Variants in AGMO observed in about 807,000 individuals in gnomAD.
The protein encoded by AGMO is glyceryl-ether monooxygenase.
Under a neutral mutation model 60.2 loss-of-function variants are expected in AGMO, and 75 were observed. That is an observed-to-expected ratio of 1.25 (90% confidence interval 1.03 to 1.51). The LOEUF is 1.51. Among genes scored for constraint, AGMO ranks in the 40% most tolerant of loss-of-function variants. The pLI, the probability that AGMO is intolerant of heterozygous loss-of-function variation, is 0.00. For synonymous variants in AGMO, 261 were observed against 177.1 expected (o/e 1.47, Z -3.76); for missense variants, 763 against 525.5 (o/e 1.45, Z -4.42).
chr7:15,382,932 AGATGTAACATT>A (rs569475626), intron 10 of AGMO, among the ~76,000 whole-genome samples: 80 of 152,080 alleles, frequency 5.3e-4, no homozygotes, highest in Non-Finnish European at 1.0e-3. Flanking sequence ...ATTGTTATAT[AGATGTAACATT>A]TGTTATTTTT....
intron 10 of AGMO, among the ~76,000 whole-genome samples, chr7:15,377,153 C>T (rs762520792): frequency 2.0e-5 from 3 of 151,998 alleles, no homozygotes; most frequent in Non-Finnish European, 2.9e-5. Context: ...TGCTTTTAGA[C>T]ATCCCTGAGA....
chr7:15,278,331 G>A (rs145602550), intron 12 of AGMO, among the ~76,000 whole-genome samples: 197 of 152,242 alleles, frequency 1.3e-3, no homozygotes, highest in African/African-American at 4.5e-3. Flanking sequence ...TTAGGACCCG[G>A]GGAGAGTGGT....
downstream of AGMO, among the ~76,000 whole-genome samples, chr7:15,198,221 G>GAGAGAGAGAGAC (rs1781173240): frequency 8.7e-6 from 1 of 114,398 alleles, no homozygotes; most frequent in African/African-American, 4.8e-5. Flanking sequence ...GAGAGAGAGA[G>GAGAGAGAGAGAC]AGAGAGAGAG....
the AGMO span, among the ~76,000 whole-genome samples, chr7:15,156,676 AT>A: frequency 6.6e-6 from 1 of 152,294 alleles, no homozygotes; most frequent in South Asian, 2.1e-4. Flanking sequence ...ACAAGTCTTC[AT>A]GCTCGGCAAC....
chr7:15,519,187 T>G (rs1000155566), intron 3 of AGMO, among the ~76,000 whole-genome samples: 3 of 146,422 alleles, frequency 2.0e-5, no homozygotes, highest in African/African-American at 7.6e-5. Flanking sequence ...CAAACCTAGG[T>G]TTGATTGTTG....
At chr7:15,527,060 T>C (rs779959925) in intron 3 of AGMO, among the ~76,000 whole-genome samples, 3 of 152,108 alleles carry the variant, frequency 2.0e-5, no homozygotes, top group Non-Finnish European at 4.4e-5. Flanking sequence ...CACAGCAATA[T>C]AGAAATTAAG....
intron 5 of AGMO, among the ~76,000 whole-genome samples, chr7:15,409,361 C>A (rs998426631): frequency 3.3e-5 from 5 of 151,772 alleles, no homozygotes; most frequent in African/African-American, 1.2e-4. Context: ...CAAGTGAAAC[C>A]CAGATAAATG....
chr7:15,193,299 T>G, the AGMO span, among the ~76,000 whole-genome samples: 1 of 152,198 alleles, frequency 6.6e-6, no homozygotes. Flanking sequence ...ATGTCATAGC[T>G]CTTGTATTTT....
At chr7:15,431,336 T>C (rs1486364142) in intron 3 of AGMO, among the ~76,000 whole-genome samples, 1 of 151,898 alleles carries the variant, frequency 6.6e-6, no homozygotes, top group African/African-American at 2.4e-5. Context: ...TAAATATGTA[T>C]AGTTTATATG....
At chr7:15,305,040 A>T (rs544523973) in intron 12 of AGMO, among the ~76,000 whole-genome samples, 45 of 152,036 alleles carry the variant, frequency 3.0e-4, no homozygotes, top group African/African-American at 1.0e-3. Flanking sequence ...TAATATTAAG[A>T]ATATATAGTT....
chr7:15,144,625 T>C, the AGMO span, among the ~76,000 whole-genome samples: 1 of 152,186 alleles, frequency 6.6e-6, no homozygotes, highest in South Asian at 2.1e-4. Context: ...TACATTATAT[T>C]TACCTCTAGT....
chr7:15,335,608 C>T (rs967624430), intron 12 of AGMO, among the ~76,000 whole-genome samples: 30 of 152,068 alleles, frequency 2.0e-4, no homozygotes, highest in African/African-American at 7.0e-4. Flanking sequence ...TGCAGACAGG[C>T]CCTGAAAATA....
At chr7:15,531,747 C>A (rs1784373229) in intron 3 of AGMO, among the ~76,000 whole-genome samples, 1 of 149,644 alleles carries the variant, frequency 6.7e-6, no homozygotes, top group South Asian at 2.1e-4. Flanking sequence ...GGCTCCCCAC[C>A]TTGCTGCTGT....
intron 3 of AGMO, among the ~76,000 whole-genome samples, chr7:15,432,213 A>G (rs1195400295): frequency 6.6e-6 from 1 of 151,356 alleles, no homozygotes; most frequent in Non-Finnish European, 1.5e-5. Context: ...TGGAAATATC[A>G]GGTTAATTTT....
intron 3 of AGMO, among the ~76,000 whole-genome samples, chr7:15,469,591 T>A (rs1404245973): frequency 1.3e-5 from 2 of 151,994 alleles, no homozygotes; most frequent in Non-Finnish European, 2.9e-5. Flanking sequence ...ACAGTAGAAA[T>A]CAAAAGAGAT....
intron 2 of AGMO, among the ~76,000 whole-genome samples, chr7:15,547,721 C>T (rs531947276): frequency 5.3e-5 from 8 of 151,930 alleles, no homozygotes; most frequent in Admixed American, 6.6e-5. Flanking sequence ...AACTGCAAGG[C>T]GGCAGCGAGG....
intron 3 of AGMO, among the ~76,000 whole-genome samples, chr7:15,472,652 A>T (rs1209772936): frequency 6.6e-6 from 1 of 151,984 alleles, no homozygotes; most frequent in Non-Finnish European, 1.5e-5. Flanking sequence ...ATTCAGAAAA[A>T]CATACTTGTT....
At chr7:15,119,036 A>G in the AGMO span, among the ~76,000 whole-genome samples, 2 of 150,978 alleles carry the variant, frequency 1.3e-5, no homozygotes, top group African/African-American at 4.9e-5. Context: ...ATATGAGTGG[A>G]AAATTGATTG....
chr7:15,483,337 C>G lies in AGMO; in HGVS notation c.410-52229G>C, dbSNP rs879720953. Among the ~76,000 whole-genome samples, 6 of 152,070 alleles carry G rather than the reference C, an allele frequency of 3.9e-5. 1 individual carries two copies. The highest frequency in any genetic ancestry group is 1.4e-4 in the African/African-American group (6 of 41,410). ...ATCCCAGCACCTTGGGAGGCCGAGG[C>G]GGGCGGATCACGAGGTCAGGAGATT... On this transcript the variant is annotated intron_variant, in intron 3 of 12. Transcript: ENST00000342526.
Sources: allele counts gnomAD v4.1 joint callset (sites outside exome capture counted in the v4.1 genomes callset), GRCh38; gene constraint gnomAD v4.1.1; transcripts MANE v1.5; gene names NCBI Gene and HGNC (gene_info 2026-07-23, HGNC 2026-07-21).